KATNIP: variants seen among roughly 807,000 people sequenced by gnomAD.
KATNIP encodes katanin interacting protein.
In KATNIP, 126 loss-of-function variants were observed where a neutral mutation model predicts 174.0. The observed-to-expected ratio is 0.72, with a 90% CI of 0.63 to 0.84. The LOEUF (loss-of-function observed/expected upper bound fraction) is 0.84. Ranked by LOEUF, KATNIP falls within the 40% of genes least tolerant of loss-of-function variation. The pLI, the probability that KATNIP is intolerant of heterozygous loss-of-function variation, is 0.00. For missense variants in KATNIP, 1,958 were observed against 2,109.7 expected (o/e 0.93, Z 1.41); for synonymous variants, 810 against 835.7 (o/e 0.97, Z 0.53).
chr16:27,571,832 G>A (rs1202372600), intron 1 of KATNIP, among the ~76,000 whole-genome samples: 1 of 152,210 alleles, frequency 6.6e-6, no homozygotes, highest in Non-Finnish European at 1.5e-5. Flanking sequence ...GCCAGCCTTA[G>A]GGCTCACTCG....
chr16:27,699,975 ATC>A (rs1310462133), intron 10 of KATNIP, among the ~76,000 whole-genome samples: 7 of 152,036 alleles, frequency 4.6e-5, no homozygotes, highest in African/African-American at 1.7e-4. Flanking sequence ...CAATGGTGCA[ATC>A]TCGGCTCACT....
intron 2 of KATNIP, among the ~76,000 whole-genome samples, chr16:27,581,607 A>G (rs1295928686): frequency 1.3e-5 from 2 of 152,196 alleles, no homozygotes; most frequent in African/African-American, 4.8e-5. Flanking sequence ...TTGTTTTACC[A>G]TAGGTTTGGG....
At chr16:27,702,200 A>G (rs963407246) in intron 11 of KATNIP, among the ~76,000 whole-genome samples, 9 of 152,060 alleles carry the variant, frequency 5.9e-5, no homozygotes, top group African/African-American at 1.9e-4. Context: ...TTTGGCCCCA[A>G]CCTGTGTAGA....
intron 2 of KATNIP, among the ~76,000 whole-genome samples, chr16:27,584,543 C>T (rs1021367553): frequency 6.6e-6 from 1 of 152,154 alleles, no homozygotes; most frequent in East Asian, 1.9e-4. Context: ...CCTGTAATCC[C>T]AGCACTTTGG....
At chr16:27,629,549 C>T (rs2076427832) in intron 4 of KATNIP, among the ~76,000 whole-genome samples, 1 of 152,076 alleles carries the variant, frequency 6.6e-6, no homozygotes, top group South Asian at 2.1e-4. Context: ...TTTCACGTGC[C>T]CTATAAGAAA....
At chr16:27,552,880 G>A (rs1192093017) in intron 1 of KATNIP, among the ~76,000 whole-genome samples, 4 of 151,944 alleles carry the variant, frequency 2.6e-5, no homozygotes, top group Non-Finnish European at 5.9e-5. Flanking sequence ...TTTTAGTAGA[G>A]ATGGGGTTTC....
In KATNIP at chr16:27,749,983, T is replaced by C; in HGVS notation, c.3023T>C (p.Ile1008Thr). ...IFSSKGEPVQ[I>T]SNIKADPPDI... ...AGTTCCAAGGGTGAACCGGTGCAGA[T>C]TTCAAACATAAAAGCAGACCCTCCC... The change falls in exon 16 of 28, where the codon ATT becomes ACT. Residue 1008 changes from isoleucine (I) to threonine (T), a missense_variant. Ile to Thr is a moderately conservative substitution (Grantham distance 89). Transcript: ENST00000261588. 6.2e-7 allele frequency: 1 copy of C among 1,614,138 alleles called. No homozygotes were observed. Among genetic ancestry groups the C allele is most frequent in the Non-Finnish European group, 8.5e-7 (1 of 1,180,016 alleles).
At chr16:27,694,954 A>T (rs896769107) in intron 8 of KATNIP, among the ~76,000 whole-genome samples, 1 of 151,982 alleles carries the variant, frequency 6.6e-6, no homozygotes, top group Non-Finnish European at 1.5e-5. Flanking sequence ...GCTCCTCCCA[A>T]ACTTCCTCTA....
intron 5 of KATNIP, among the ~76,000 whole-genome samples, chr16:27,645,624 G>T (rs545581846): frequency 3.9e-5 from 6 of 152,242 alleles, no homozygotes; most frequent in Middle Eastern, 3.4e-3. Flanking sequence ...GGCATGGGTG[G>T]GTGGTGCCAC....
At chr16:27,655,982 A>G (rs1057331035) in intron 6 of KATNIP, among the ~76,000 whole-genome samples, 5 of 152,082 alleles carry the variant, frequency 3.3e-5, no homozygotes, top group Non-Finnish European at 5.9e-5. Flanking sequence ...GATAGAGAGA[A>G]CTCTCCTTAG....
intron 13 of KATNIP, 147 bp from the exon 14 acceptor site, chr16:27,721,411 G>C (rs574906926): frequency 2.3e-6 from 2 of 873,304 alleles, no homozygotes; most frequent in African/African-American, 3.4e-5. Context: ...CCCCAGCCTG[G>C]GTGATGGCAA....
At chr16:27,749,221 A>G (rs1174630727) in intron 15 of KATNIP, among the ~76,000 whole-genome samples, 1 of 152,258 alleles carries the variant, frequency 6.6e-6, no homozygotes, top group Non-Finnish European at 1.5e-5. Context: ...AATTCAGTCT[A>G]TGAAAAAATG....
chr16:27,644,595 T>A (rs1239659423), intron 5 of KATNIP: 1 of 152,232 alleles, frequency 6.6e-6, no homozygotes, highest in Non-Finnish European at 1.5e-5. Context: ...AGCCTCGAAC[T>A]CCTAGGCTCA....
At chr16:27,574,205 T>C (rs1212537586) in intron 2 of KATNIP, 5 of 500,068 alleles carry the variant, frequency 1.0e-5, no homozygotes, top group Non-Finnish European at 1.8e-5. Context: ...TAACAAATCA[T>C]CCCAGATTTT....
At chr16:27,621,448 G>A (rs2076193193) in intron 3 of KATNIP, among the ~76,000 whole-genome samples, 1 of 152,104 alleles carries the variant, frequency 6.6e-6, no homozygotes, top group Non-Finnish European at 1.5e-5. Context: ...GGCCAAGACA[G>A]CCAGGAAAAG....
chr16:27,585,376 T>A (rs925861167), intron 2 of KATNIP, among the ~76,000 whole-genome samples: 5 of 152,170 alleles, frequency 3.3e-5, no homozygotes, highest in Non-Finnish European at 7.4e-5. Flanking sequence ...GTTTGGAGAT[T>A]CCTCAAAAAA....
rs544568333 is a variant in KATNIP at position 27,684,904 on chromosome 16, A to G, written c.940+3374A>G. The stretch of plus-strand genomic sequence containing the variant: ...ACACCCTATTTCCAAATAAGGTCAC[A>G]GTCACAGGTACTAGGGGTTAGGGCC... On this transcript the variant is annotated intron_variant, in intron 8 of 27. Transcript: ENST00000261588. 9.8e-5 allele frequency among the ~76,000 whole-genome samples: 15 copies of G among 152,330 alleles called. No homozygotes were observed. The South Asian group carries it at 2.7e-3, about 27-fold the overall frequency.
At chr16:27,773,061 A>C (rs2144227906) in intron 22 of KATNIP, 38 bp from the exon 23 acceptor site, 4 of 1,273,606 alleles carry the variant, frequency 3.1e-6, no homozygotes, top group East Asian at 2.5e-5. Context: ...TCTGAAAAAA[A>C]AAAATTAAGC....
chr16:27,771,751 C>A, intron 22 of KATNIP, 99 bp downstream of exon 22: 2 of 1,245,262 alleles, frequency 1.6e-6, no homozygotes, highest in Non-Finnish European at 2.3e-6. Flanking sequence ...ACAGATGAGG[C>A]AGCTGGAACT....
Sources: allele counts gnomAD v4.1 joint callset (sites outside exome capture counted in the v4.1 genomes callset), GRCh38; gene constraint gnomAD v4.1.1; transcripts MANE v1.5; gene names NCBI Gene and HGNC (gene_info 2026-07-23, HGNC 2026-07-21).